Variants in CDH9 observed in about 807,000 individuals in gnomAD.
The protein encoded by CDH9 is cadherin 9.
In CDH9, 28 loss-of-function variants were observed where a neutral mutation model predicts 70.9. The observed-to-expected ratio is 0.40, with a 90% CI of 0.29 to 0.54. CDH9 has a LOEUF of 0.54. Among genes scored for constraint, CDH9 ranks in the 20% least tolerant of loss-of-function variants. The pLI is 0.59. For missense variants in CDH9, 874 were observed against 984.4 expected, an observed-to-expected ratio of 0.89 and a Z score of 1.50; for synonymous variants, 409 against 343.1, an observed-to-expected ratio of 1.19 and a Z score of -2.12.
intron 2 of CDH9, among the ~76,000 whole-genome samples, chr5:26,963,800 G>A (rs1742080573): frequency 6.6e-6 from 1 of 151,910 alleles, no homozygotes; most frequent in African/African-American, 2.4e-5. Context: ...GAAACTGGAT[G>A]AATGTTAATT....
chr5:26,961,768 A>C (rs959288570), intron 2 of CDH9, among the ~76,000 whole-genome samples: 2 of 152,188 alleles, frequency 1.3e-5, no homozygotes, highest in African/African-American at 4.8e-5. Flanking sequence ...AAGACTTAGC[A>C]TGCAGTTTCG....
intron 2 of CDH9, among the ~76,000 whole-genome samples, chr5:26,985,056 A>C (rs1742466122): frequency 6.6e-6 from 1 of 152,076 alleles, no homozygotes; most frequent in Admixed American, 6.6e-5. Flanking sequence ...TCCCAACATA[A>C]CTGATTTGTA....
At chr5:26,974,397 A>T (rs1742270437) in intron 2 of CDH9, among the ~76,000 whole-genome samples, 1 of 152,140 alleles carries the variant, frequency 6.6e-6, no homozygotes, top group African/African-American at 2.4e-5. Flanking sequence ...TAGGTTTGAA[A>T]GATATTCGCC....
intron 2 of CDH9, among the ~76,000 whole-genome samples, chr5:26,952,328 G>A (rs1156938950): frequency 6.9e-6 from 1 of 144,800 alleles, no homozygotes; most frequent in Non-Finnish European, 1.5e-5. Flanking sequence ...AGAGGTGATT[G>A]GGTCGGCCGG....
At chr5:27,019,330 T>C (rs1449381429) in intron 1 of CDH9, among the ~76,000 whole-genome samples, 2 of 152,052 alleles carry the variant, frequency 1.3e-5, no homozygotes, top group African/African-American at 4.8e-5. Flanking sequence ...ATGACATTTT[T>C]GGATGTTTTT....
intron 2 of CDH9, among the ~76,000 whole-genome samples, chr5:26,924,500 TA>T (rs901549583): frequency 6.7e-6 from 1 of 150,324 alleles, no homozygotes; most frequent in African/African-American, 2.4e-5. Flanking sequence ...TCAAACTATT[TA>T]AAAAAATAGA....
At chr5:26,973,487 A>G (rs1178538423) in intron 2 of CDH9, among the ~76,000 whole-genome samples, 2 of 152,068 alleles carry the variant, frequency 1.3e-5, no homozygotes, top group African/African-American at 4.8e-5. Context: ...TAGCAGCACA[A>G]GACATATTAA....
At chr5:26,949,537 G>T (rs1741809538) in intron 2 of CDH9, among the ~76,000 whole-genome samples, 1 of 152,202 alleles carries the variant, frequency 6.6e-6, no homozygotes, top group Admixed American at 6.5e-5. Context: ...CCAATGGAAA[G>T]TTGTAGGAGA....
At chr5:26,893,104 G>T (rs979321063) in intron 7 of CDH9, among the ~76,000 whole-genome samples, 5 of 152,100 alleles carry the variant, frequency 3.3e-5, no homozygotes, top group African/African-American at 4.8e-5. Context: ...TGTTTGAATT[G>T]TTTATTAAAG....
intron 3 of CDH9, among the ~76,000 whole-genome samples, chr5:26,914,183 G>A (rs1472946727): frequency 6.6e-6 from 1 of 151,676 alleles, no homozygotes; most frequent in East Asian, 1.9e-4. Context: ...GTTTTATATT[G>A]TAAGGTTTCA....
intron 2 of CDH9, among the ~76,000 whole-genome samples, chr5:26,926,431 G>A (rs1378356735): frequency 3.3e-5 from 5 of 152,060 alleles, no homozygotes; most frequent in African/African-American, 7.2e-5. Flanking sequence ...ACTGCTCAAC[G>A]AAATAAAAGA....
intron 2 of CDH9, among the ~76,000 whole-genome samples, chr5:26,921,691 ACTCTCTG>A (rs1440559449): frequency 6.6e-6 from 1 of 151,860 alleles, no homozygotes; most frequent in Non-Finnish European, 1.5e-5. Context: ...CTCTAAATAA[ACTCTCTG>A]CTCTCTACTT....
At chr5:26,914,755 T>G (rs977547297) in intron 3 of CDH9, among the ~76,000 whole-genome samples, 3 of 152,050 alleles carry the variant, frequency 2.0e-5, no homozygotes, top group African/African-American at 7.2e-5. Context: ...GTTATAAGAA[T>G]GTCAAAATCA....
At chr5:27,013,576 T>C (rs140590493) in intron 1 of CDH9, among the ~76,000 whole-genome samples, 1 of 152,046 alleles carries the variant, frequency 6.6e-6, no homozygotes, top group African/African-American at 2.4e-5. Context: ...TTCTCCATGA[T>C]CGTGCCATGG....
intron 2 of CDH9, among the ~76,000 whole-genome samples, chr5:26,960,809 A>ATT (rs1168787686): frequency 1.9e-5 from 1 of 52,596 alleles, no homozygotes; most frequent in East Asian, 0.05. Context: ...TTCTATCCAC[A>ATT]CTGAAAATCT....
intron 1 of CDH9, among the ~76,000 whole-genome samples, chr5:27,023,086 T>C (rs1261100141): frequency 6.6e-6 from 1 of 152,064 alleles, no homozygotes; most frequent in Non-Finnish European, 1.5e-5. Flanking sequence ...ATTTTAAAAA[T>C]GAAGACGTTA....
chr5:26,950,625 A>G (rs897155798), intron 2 of CDH9, among the ~76,000 whole-genome samples: 7 of 152,334 alleles, frequency 4.6e-5, no homozygotes, highest in African/African-American at 1.4e-4. Flanking sequence ...ATAAAAAATG[A>G]AATATTTTGT....
intron 11 of CDH9, among the ~76,000 whole-genome samples, chr5:26,884,694 A>C (rs1348547468): frequency 2.0e-5 from 3 of 152,214 alleles, no homozygotes; most frequent in South Asian, 2.1e-4. Flanking sequence ...TCATCCAGAT[A>C]GCTTGAAAGG....
chr5:26,960,750 G>A (rs1044148013), intron 2 of CDH9, among the ~76,000 whole-genome samples: 11 of 151,846 alleles, frequency 7.2e-5, no homozygotes, highest in Admixed American at 7.2e-4. Context: ...AGTAGCATAT[G>A]AAATAATTAT....
Sources: allele counts gnomAD v4.1 joint callset (sites outside exome capture counted in the v4.1 genomes callset), GRCh38; gene constraint gnomAD v4.1.1; transcripts MANE v1.5; gene names NCBI Gene and HGNC (gene_info 2026-07-23, HGNC 2026-07-21).